The following PVR variants were observed in gnomAD, a reference collection of about 807,000 sequenced individuals.
The protein encoded by PVR is poliovirus receptor.
Under a neutral mutation model 43.3 loss-of-function variants are expected in PVR, and 39 were observed. The ratio of observed to expected loss-of-function variants is 0.90; its 90% CI spans 0.70 to 1.18. PVR has a LOEUF of 1.18. Ranked by LOEUF, PVR falls within the 50% of genes most tolerant of loss-of-function variation. PVR has a pLI of 0.00. For missense variants in PVR, 480 were observed against 549.7 expected, an observed-to-expected ratio of 0.87 and a Z score of 1.27; for synonymous variants, 224 against 233.2, an observed-to-expected ratio of 0.96 and a Z score of 0.36.
rs2123738879 is a variant in PVR, at chr19:44,644,004, G to A, written c.-93G>A. Reference sequence around the variant, plus strand: ...CCGGGGATTCCAGGACCTGAGCTCCGGGAGCTGGACTCGCAGCGACCGCGG... The same window carrying A: ...CCGGGGATTCCAGGACCTGAGCTCCAGGAGCTGGACTCGCAGCGACCGCGG... On this transcript the variant is annotated 5_prime_UTR_variant, in exon 1 of 8. Transcript: ENST00000425690. 1 of 1,070,634 alleles carries A rather than the reference G, an allele frequency of 9.3e-7. No homozygotes were observed. The highest frequency in any genetic ancestry group is 3.1e-5 in the East Asian group (1 of 32,656). 66.3% of individuals were successfully genotyped at this position (1,070,634 alleles called of 1,614,324 possible). A position where few individuals can be genotyped will look rare whatever the true frequency, so the allele number is the denominator to read the frequency against.
rs1973681690 is a variant in PVR at position 44,665,198 on chromosome 19, C to CT, written c.*3388dup. On this transcript the variant is annotated 3_prime_UTR_variant, in exon 8 of 8. Coordinates refer to ENST00000425690, the MANE Select transcript of PVR (RefSeq NM_006505.5). ...TGGAGATCATAAGGAGGCTAAAACA[C>CT]TCCACACCCTCCCTCTGCATTGCTC... The CT allele has an allele frequency of 6.6e-6, 1 of 152,150 alleles. No individual in the cohort carries two copies. 9.4% of individuals were successfully genotyped at this position (152,150 alleles called of 1,614,324 possible). A position where few individuals can be genotyped will look rare whatever the true frequency, so the allele number is the denominator to read the frequency against.
intron 7 of PVR, 73 bp from the exon 8 acceptor site, chr19:44,661,667 G>A (rs1350094820): frequency 7.3e-7 from 1 of 1,376,102 alleles, no homozygotes; most frequent in African/African-American, 1.4e-5. Flanking sequence ...CTTTGCACAT[G>A]GGGCTTCAGT....
chr19:44,659,889 A>G (rs745388746), intron 6 of PVR, among the ~76,000 whole-genome samples: 25 of 152,224 alleles, frequency 1.6e-4, no homozygotes, highest in Non-Finnish European at 2.4e-4. Context: ...TTACCTGCCA[A>G]TGGTCAAACA....
In PVR at chr19:44,649,942, C is replaced by T. The variant is rs370435737; in HGVS notation, c.561C>T (p.Pro187=). The T allele has an allele frequency of 5.6e-6, 9 of 1,609,940 alleles. No homozygotes were observed. In the African/African-American group the frequency reaches 9.4e-5, roughly 17 times the overall value. Residue 187 remains proline (P), a synonymous_variant, in exon 3 of 8, where the codon CCC becomes CCT. Coordinates refer to ENST00000425690, the MANE Select transcript of PVR (RefSeq NM_006505.5). ...GGCACTCAGACCTGGGCGGGATGCC[C>T]AATACGAGCCAGGTGCCAGGGTTCC... is the stretch of plus-strand genomic sequence containing the variant. ...ITWHSDLGGM[P]NTSQVPGFLS...
chr19:44,657,379 A>C (rs1382185684), intron 4 of PVR, among the ~76,000 whole-genome samples: 6 of 152,076 alleles, frequency 3.9e-5, no homozygotes, highest in Admixed American at 3.9e-4. Context: ...GAGGGTACTG[A>C]GCTGAGGTAT....
At chr19:44,661,569 C>T (rs1251359177) in intron 7 of PVR, among the ~76,000 whole-genome samples, 171 bp from the exon 8 acceptor site, 1 of 152,128 alleles carries the variant, frequency 6.6e-6, no homozygotes, top group African/African-American at 2.4e-5. Context: ...TCCCCCCTGC[C>T]CCACGCCCCT....
At chr19:44,653,475 C>G (rs1036102738) in intron 3 of PVR, among the ~76,000 whole-genome samples, 2 of 152,222 alleles carry the variant, frequency 1.3e-5, no homozygotes, top group African/African-American at 4.8e-5. Context: ...AAGGTCTTCG[C>G]TGTCAATCAC....
At chr19:44,660,677 C>T (rs1356215745) in intron 6 of PVR, among the ~76,000 whole-genome samples, 1 of 152,042 alleles carries the variant, frequency 6.6e-6, no homozygotes, top group Non-Finnish European at 1.5e-5. Context: ...CGTGCACTCC[C>T]ACGCCTGGCT....
In PVR at chr19:44,644,027, C is replaced by A. The variant is rs1194712484; in HGVS notation, c.-70C>A. The A allele has an allele frequency of 1.5e-6, 2 of 1,352,634 alleles. No homozygotes were observed. The allele number at this position is 1,352,634 out of a possible 1,614,324, so 83.8% of individuals were successfully genotyped here. On this transcript the variant is annotated 5_prime_UTR_variant, in exon 1 of 8. Coordinates refer to ENST00000425690, the MANE Select transcript of PVR (RefSeq NM_006505.5). ...CCGGGAGCTGGACTCGCAGCGACCG[C>A]GGCAGAGCGAGCGGGCGCCGGGAAG...
At chr19:44,648,652 CTGTTTTGTTT>C (rs55976228) in intron 2 of PVR, among the ~76,000 whole-genome samples, 9 of 151,320 alleles carry the variant, frequency 5.9e-5, no homozygotes, top group Admixed American at 3.9e-4. Context: ...AACTTGTTTT[CTGTTTTGTTT>C]TGTTTTGTTT....
chr19:44,647,101 T>G, intron 1 of PVR, 122 bp from the exon 2 acceptor site: 18 of 115,208 alleles, frequency 1.6e-4, no homozygotes, highest in South Asian at 2.4e-4. Context: ...CACCCCACGG[T>G]CCACCGGGGA....
At chr19:44,647,765 G>T (rs1336427295) in intron 2 of PVR, among the ~76,000 whole-genome samples, 195 bp downstream of exon 2, 1 of 151,514 alleles carries the variant, frequency 6.6e-6, no homozygotes, top group African/African-American at 2.4e-5. Context: ...GGGGCTGCAG[G>T]GCAGGAAGAA....
At chr19:44,652,423 AC>A (rs1421592064) in intron 3 of PVR, among the ~76,000 whole-genome samples, 58 of 151,984 alleles carry the variant, frequency 3.8e-4, no homozygotes, top group African/African-American at 1.2e-3. Context: ...TTGCTCTGTC[AC>A]CCAGGCTAGA....
chr19:44,645,192 T>C (rs1369001997), intron 1 of PVR, among the ~76,000 whole-genome samples: 1 of 95,902 alleles, frequency 1.0e-5, no homozygotes, highest in African/African-American at 4.3e-5. Flanking sequence ...ATTATTATAA[T>C]ATATAATATG....
Position 44,661,799 on chromosome 19 carries a change from G to A in PVR, c.1242G>A (p.Glu414=). ...ENSSSQDPQT[E]GTR is the part of the protein sequence containing the mutation. Reference sequence around the variant, plus strand: ...GCTCTTCCCAGGATCCACAGACAGAGGGCACAAGGTGACAGCGTCGGGACT... The same window carrying A: ...GCTCTTCCCAGGATCCACAGACAGAAGGCACAAGGTGACAGCGTCGGGACT... The change falls in exon 8 of 8, where the codon GAG becomes GAA. Residue 414 remains glutamate, a synonymous_variant. Coordinates refer to ENST00000425690, the MANE Select transcript of PVR (RefSeq NM_006505.5). 1.2e-6 allele frequency: 2 copies of A among 1,613,974 alleles called. No homozygotes were observed. The highest frequency in any genetic ancestry group is 1.3e-5 in the African/African-American group (1 of 75,050).
At chr19:44,654,421 G>T (rs1249303345) in intron 4 of PVR, among the ~76,000 whole-genome samples, 1 of 152,232 alleles carries the variant, frequency 6.6e-6, no homozygotes, top group East Asian at 1.9e-4. Context: ...GGCCCCCAGT[G>T]GGGGGCATCT....
chr19:44,656,535 C>T (rs1270284157), intron 4 of PVR, among the ~76,000 whole-genome samples: 1 of 152,220 alleles, frequency 6.6e-6, no homozygotes, highest in African/African-American at 2.4e-5. Context: ...GTGCAATTAA[C>T]CAACATACGT....
chr19:44,654,043 G>T, intron 4 of PVR, 26 bp downstream of exon 4: 1 of 1,553,206 alleles, frequency 6.4e-7, no homozygotes. Flanking sequence ...CAGGGAGGAG[G>T]GGCTGGGGGT....
At position 44,658,254 on chromosome 19, in the gene PVR, T is replaced by G. The variant is rs527952843; in HGVS notation, c.991+344T>G. Among the ~76,000 whole-genome samples, 9 of 152,340 alleles carry G rather than the reference T, an allele frequency of 5.9e-5. No individual in the cohort carries two copies. In the South Asian group the frequency reaches 8.3e-4, roughly 14 times the overall value. On this transcript the variant is annotated intron_variant, in intron 5 of 7. Transcript: ENST00000425690. ...AAAACCAAACAAAACAGGACTTTATTGAAAATTCACCTTCAGGTATGGTTA... is the reference window on the plus strand; with the variant it reads ...AAAACCAAACAAAACAGGACTTTATGGAAAATTCACCTTCAGGTATGGTTA...
Sources: allele counts gnomAD v4.1 joint callset (sites outside exome capture counted in the v4.1 genomes callset), GRCh38; gene constraint gnomAD v4.1.1; transcripts MANE v1.5; gene names NCBI Gene and HGNC (gene_info 2026-07-23, HGNC 2026-07-21).